ZC3H12D: variants seen among roughly 807,000 people sequenced by gnomAD.
The protein encoded by ZC3H12D is zinc finger CCCH-type containing 12D.
In ZC3H12D, 11 loss-of-function variants were observed where a neutral mutation model predicts 24.2. That is an observed-to-expected ratio of 0.46 (90% CI 0.29 to 0.75). ZC3H12D has a LOEUF of 0.75. ZC3H12D is among the 30% of genes least tolerant of loss of function. ZC3H12D has a pLI of 0.11. For missense variants in ZC3H12D, 740 were observed against 767.7 expected, an observed-to-expected ratio of 0.96 and a Z score of 0.43; for synonymous variants, 333 against 341.8, an observed-to-expected ratio of 0.97 and a Z score of 0.28.
Position 149,451,416 on chromosome 6 carries a change from T to C in ZC3H12D, c.851A>G (p.Gln284Arg), listed in dbSNP as rs1461707650. Reference protein sequence around the residue: ...FYHPERPHHAQLAVADELRAK... With the variant: ...FYHPERPHHARLAVADELRAK... ...GCGGAGCTCGTCGGCCACCGCCAGT[T>C]GCGCGTGGTGCGGCCTCTCCGGGTG... The change falls in exon 6 of 6, where the codon CAA (glutamine) becomes CGA (arginine). Residue 284 changes from glutamine to arginine, a missense_variant. By Grantham distance (43) the Gln-to-Arg change is conservative. Transcript: ENST00000409806. The C allele has an allele frequency of 6.4e-7, 1 of 1,571,984 alleles. No individual in the cohort carries two copies. The highest frequency in any genetic ancestry group is 8.6e-7 in the Non-Finnish European group (1 of 1,169,168).
chr6:149,458,112 T>TCGTTTC lies in ZC3H12D; in HGVS notation c.446-1213_446-1212insGAAACG, dbSNP rs1491459005. Among the ~76,000 whole-genome samples the TCGTTTC allele has an allele frequency of 7.7e-3, 408 of 52,884 alleles. 10 individuals are homozygous for TCGTTTC. Among genetic ancestry groups the TCGTTTC allele is most frequent in the African/African-American group, 0.048 (394 of 8,176 alleles). 34.7% of individuals were successfully genotyped at this position (52,884 alleles called of 152,430 possible). A position where few individuals can be genotyped will look rare whatever the true frequency, so the allele number is the denominator to read the frequency against. On this transcript the variant is annotated intron_variant, in intron 3 of 5. Transcript: ENST00000409806. ...GAATCATTTTCTTTCTTTCTTTTTCTTTTTTTTTTTCGTTTCTTTTTTTTT... is the reference window on the plus strand; with the variant it reads ...GAATCATTTTCTTTCTTTCTTTTTCTCGTTTCTTTTTTTTTTCGTTTCTTTTTTTTT...
chr6:149,475,466 C>T (rs1273671610), intron 1 of ZC3H12D, among the ~76,000 whole-genome samples: 1 of 152,148 alleles, frequency 6.6e-6, no homozygotes, highest in Non-Finnish European at 1.5e-5. Context: ...GCCTGTAATC[C>T]CAGCACTCTG....
At position 149,450,367 on chromosome 6, in the gene ZC3H12D, C is replaced by T. The variant is rs529473850; in HGVS notation, c.*316G>A. On this transcript the variant is annotated 3_prime_UTR_variant, in exon 6 of 6. Transcript: ENST00000409806. Reference sequence around the variant, plus strand: ...GTCCACTGTGTTTGTGGTGGTGACCCACTAAATTGATTTTGTGACCCACTT... The same window carrying T: ...GTCCACTGTGTTTGTGGTGGTGACCTACTAAATTGATTTTGTGACCCACTT... 2.7e-5 allele frequency: 9 copies of T among 333,864 alleles called. No homozygotes were observed. The highest frequency in any genetic ancestry group is 1.9e-4 in the African/African-American group (9 of 46,696). 20.7% of individuals were successfully genotyped at this position (333,864 alleles called of 1,614,324 possible).
intron 1 of ZC3H12D, among the ~76,000 whole-genome samples, chr6:149,482,046 A>G (rs2789504): frequency 0.31 from 47,158 of 152,210 alleles, 10,694 homozygotes; most frequent in East Asian, 0.78. Flanking sequence ...GGCCGAAGTA[A>G]GGGGCAGCTC....
At chr6:149,480,490 C>T (rs974161402) in intron 1 of ZC3H12D, among the ~76,000 whole-genome samples, 4 of 152,170 alleles carry the variant, frequency 2.6e-5, no homozygotes, top group Admixed American at 1.3e-4. Context: ...ACTGACTGGG[C>T]GCAGTGGCTT....
chr6:149,458,123 C>CTTTTTTTTTTTT (rs1776014908), intron 3 of ZC3H12D, among the ~76,000 whole-genome samples: 1 of 47,164 alleles, frequency 2.1e-5, no homozygotes, highest in Admixed American at 1.9e-4. Flanking sequence ...TTTTTTTTTT[C>CTTTTTTTTTTTT]GTTTCTTTTT....
intron 1 of ZC3H12D, among the ~76,000 whole-genome samples, chr6:149,484,519 G>A (rs979797333): frequency 1.1e-4 from 17 of 152,156 alleles, no homozygotes; most frequent in African/African-American, 3.6e-4. Flanking sequence ...GCTCCCTCTG[G>A]TTAATCTTTC....
At chr6:149,472,848 G>A (rs947460964) in intron 2 of ZC3H12D, among the ~76,000 whole-genome samples, 2 of 152,156 alleles carry the variant, frequency 1.3e-5, no homozygotes, top group East Asian at 1.9e-4. Context: ...GAAGCCCAGG[G>A]AAAGAGGTTC....
chr6:149,476,175 T>C (rs1776336700), intron 1 of ZC3H12D, among the ~76,000 whole-genome samples: 1 of 152,206 alleles, frequency 6.6e-6, no homozygotes. Context: ...GGTGTCATCT[T>C]ATACTTATTG....
chr6:149,458,703 G>T (rs1000604293), intron 3 of ZC3H12D, among the ~76,000 whole-genome samples: 1 of 152,156 alleles, frequency 6.6e-6, no homozygotes, highest in Admixed American at 6.5e-5. Context: ...GAGTGGCGAT[G>T]CCAAGTTACA....
chr6:149,451,817 C>T (rs968539187), intron 5 of ZC3H12D, among the ~76,000 whole-genome samples: 16 of 152,354 alleles, frequency 1.1e-4, no homozygotes, highest in African/African-American at 3.6e-4. Context: ...GACTTTCAGC[C>T]TCCAATTGCC....
intron 1 of ZC3H12D, among the ~76,000 whole-genome samples, chr6:149,479,781 TC>T (rs1776396226): frequency 2.0e-5 from 3 of 152,272 alleles, no homozygotes; most frequent in Admixed American, 2.0e-4. Context: ...CAAGTGATCC[TC>T]CCACCTTAGC....
chr6:149,451,791 A>G (rs1017361660), intron 5 of ZC3H12D, among the ~76,000 whole-genome samples: 2 of 152,184 alleles, frequency 1.3e-5, no homozygotes, highest in Non-Finnish European at 2.9e-5. Context: ...ACTAAGACCA[A>G]ATCTCTGGAT....
intron 3 of ZC3H12D, among the ~76,000 whole-genome samples, chr6:149,460,257 G>T (rs1010503725): frequency 2.6e-5 from 4 of 152,184 alleles, no homozygotes; most frequent in Admixed American, 2.6e-4. Flanking sequence ...TTTCAGATTT[G>T]GGATTTTTGG....
chr6:149,451,142 C>T lies in ZC3H12D; in HGVS notation c.1125G>A (p.Gly375=). The change falls in exon 6 of 6, where the codon GGG becomes GGA. Residue 375 remains glycine, a synonymous_variant. Transcript: ENST00000409806. Reference sequence around the variant, plus strand: ...GGCCGCCCGCGGACACCCAGTCGGGCCCGCCCAGTCGGGGCGTGAGGCTGC... The same window carrying T: ...GGCCGCCCGCGGACACCCAGTCGGGTCCGCCCAGTCGGGGCGTGAGGCTGC... ...PACSLTPRLG[G]PDWVSAGGRV... 1.5e-6 allele frequency: 2 copies of T among 1,340,146 alleles called. No homozygotes were observed. The highest frequency in any genetic ancestry group is 3.9e-5 in the South Asian group (2 of 50,992). 83.0% of individuals were successfully genotyped at this position (1,340,146 alleles called of 1,614,324 possible).
chr6:149,469,113 G>A (rs1776204712), intron 2 of ZC3H12D, among the ~76,000 whole-genome samples: 1 of 152,172 alleles, frequency 6.6e-6, no homozygotes, highest in Non-Finnish European at 1.5e-5. Flanking sequence ...TTTGCCTACA[G>A]AATGTAAAAC....
chr6:149,483,943 G>T (rs566777327), intron 1 of ZC3H12D, among the ~76,000 whole-genome samples: 26 of 152,324 alleles, frequency 1.7e-4, no homozygotes, highest in African/African-American at 5.3e-4. Context: ...CACTTGGGTT[G>T]CCTCTGCCTC....
chr6:149,458,170 G>T (rs439369), intron 3 of ZC3H12D, among the ~76,000 whole-genome samples: 1 of 104,672 alleles, frequency 9.6e-6, no homozygotes, highest in African/African-American at 3.7e-5. Flanking sequence ...AGATCTCACT[G>T]TGTCACCCAG....
intron 1 of ZC3H12D, among the ~76,000 whole-genome samples, chr6:149,483,446 T>C (rs1776455076): frequency 6.6e-6 from 1 of 152,186 alleles, no homozygotes; most frequent in African/African-American, 2.4e-5. Flanking sequence ...AGATCTCTTT[T>C]CAGCCTGCAA....
Sources: allele counts gnomAD v4.1 joint callset (sites outside exome capture counted in the v4.1 genomes callset), GRCh38; gene constraint gnomAD v4.1.1; transcripts MANE v1.5; gene names NCBI Gene and HGNC (gene_info 2026-07-23, HGNC 2026-07-21).